Variants in DOK5 observed in about 807,000 individuals in gnomAD.
DOK5 encodes docking protein 5.
A neutral mutation model predicts 43.3 loss-of-function variants in DOK5; 27 were observed. That is an observed-to-expected ratio of 0.62 (90% CI 0.46 to 0.86). The LOEUF is 0.86. DOK5 is among the 40% of genes least tolerant of loss of function. The probability of loss-of-function intolerance (pLI) is 0.00; values close to 1 mark genes in which losing one functional copy is unlikely to be tolerated. For missense variants in DOK5, 373 were observed against 392.9 expected, an observed-to-expected ratio of 0.95 and a Z score of 0.43; for synonymous variants, 146 against 140.1, an observed-to-expected ratio of 1.04 and a Z score of -0.30.
chr20:54,574,568 G>A (rs1985395492), intron 2 of DOK5, among the ~76,000 whole-genome samples: 1 of 152,088 alleles, frequency 6.6e-6, no homozygotes, highest in South Asian at 2.1e-4. Flanking sequence ...TTGCTCATAT[G>A]ACTAAATTCA....
chr20:54,553,381 C>G (rs1600698119), intron 1 of DOK5, among the ~76,000 whole-genome samples: 1 of 151,828 alleles, frequency 6.6e-6, no homozygotes, highest in Non-Finnish European at 1.5e-5. Context: ...ATGTTTAGTA[C>G]AGACGGGGTT....
intron 2 of DOK5, among the ~76,000 whole-genome samples, chr20:54,587,962 A>G (rs939219261): frequency 2.0e-5 from 3 of 152,194 alleles, no homozygotes; most frequent in African/African-American, 7.2e-5. Flanking sequence ...TTGACGCTGT[A>G]TCTCTGACTG....
At chr20:54,641,523 C>T (rs1046578847) in intron 6 of DOK5, among the ~76,000 whole-genome samples, 5 of 146,740 alleles carry the variant, frequency 3.4e-5, no homozygotes, top group East Asian at 4.0e-4. Context: ...CTAACATGGG[C>T]ATTGCAATTT....
chr20:54,642,564 A>AG (rs1380045755), intron 6 of DOK5, among the ~76,000 whole-genome samples: 1,510 of 149,796 alleles, frequency 0.01, 26 homozygotes, highest in African/African-American at 0.034. Context: ...AAAAAAAAAA[A>AG]AAAAGAAAAA....
At chr20:54,510,381 G>T (rs569537879) in intron 1 of DOK5, among the ~76,000 whole-genome samples, 1 of 151,994 alleles carries the variant, frequency 6.6e-6, no homozygotes, top group Non-Finnish European at 1.5e-5. Context: ...CTTTGTACTT[G>T]TACAGTTTTT....
chr20:54,588,130 G>A (rs1985866640), intron 2 of DOK5, among the ~76,000 whole-genome samples: 1 of 152,102 alleles, frequency 6.6e-6, no homozygotes, highest in Admixed American at 6.6e-5. Context: ...TGTCCACAGA[G>A]ACCGAAACAG....
At chr20:54,483,491 A>G (rs1016940141) in intron 1 of DOK5, among the ~76,000 whole-genome samples, 4 of 152,250 alleles carry the variant, frequency 2.6e-5, no homozygotes, top group Non-Finnish European at 5.9e-5. Context: ...CAAGAGATTA[A>G]TGTATTCACT....
chr20:54,598,459 C>T (rs1186159685), intron 5 of DOK5, among the ~76,000 whole-genome samples: 2 of 152,158 alleles, frequency 1.3e-5, no homozygotes, highest in Non-Finnish European at 2.9e-5. Flanking sequence ...TCCCTTGGAA[C>T]CATTCTTGCA....
chr20:54,486,564 C>T (rs1400089272), intron 1 of DOK5, among the ~76,000 whole-genome samples: 3 of 150,814 alleles, frequency 2.0e-5, no homozygotes, highest in Non-Finnish European at 1.5e-5. Context: ...TTTACACACA[C>T]ACACATGCAC....
At chr20:54,524,567 A>G (rs1320120570) in intron 1 of DOK5, among the ~76,000 whole-genome samples, 1 of 152,162 alleles carries the variant, frequency 6.6e-6, no homozygotes, top group Non-Finnish European at 1.5e-5. Context: ...TGGGGTAGCT[A>G]TGAAGATGTT....
intron 1 of DOK5, among the ~76,000 whole-genome samples, chr20:54,490,552 G>A (rs1055359636): frequency 1.3e-5 from 2 of 151,860 alleles, no homozygotes; most frequent in Non-Finnish European, 2.9e-5. Context: ...GTTGTTCCTG[G>A]GTATCTGGTA....
chr20:54,624,654 G>T (rs1256307339), intron 6 of DOK5, among the ~76,000 whole-genome samples: 3 of 139,444 alleles, frequency 2.2e-5, no homozygotes, highest in African/African-American at 8.6e-5. Context: ...TGTATAGGTG[G>T]GGGAGAGAAT....
Position 54,477,175 on chromosome 20 carries a change from G to A in DOK5, c.66+1163G>A, listed in dbSNP as rs374455302. 5.3e-5 allele frequency among the ~76,000 whole-genome samples: 8 copies of A among 152,258 alleles called. No homozygotes were observed. The East Asian group carries it at 1.4e-3, about 26-fold the overall frequency. Reference sequence around the variant, plus strand: ...TGAATAGCTTTCTTTAGAAATATGTGTCATTTGGCATCTTTCTCTTACTTG... The same window carrying A: ...TGAATAGCTTTCTTTAGAAATATGTATCATTTGGCATCTTTCTCTTACTTG... On this transcript the variant is annotated intron_variant, in intron 1 of 7. Coordinates refer to ENST00000262593, the MANE Select transcript of DOK5 (RefSeq NM_018431.5).
chr20:54,568,613 A>G (rs1267827268), intron 2 of DOK5, among the ~76,000 whole-genome samples: 1 of 152,228 alleles, frequency 6.6e-6, no homozygotes, highest in East Asian at 1.9e-4. Context: ...AGTTATTAAA[A>G]AAAGCATGTT....
intron 2 of DOK5, among the ~76,000 whole-genome samples, chr20:54,585,349 G>A (rs189181843): frequency 1.0e-3 from 153 of 152,224 alleles, no homozygotes; most frequent in Middle Eastern, 3.4e-3. Context: ...TTCCTAAATG[G>A]GTAATTGTGT....
intron 1 of DOK5, among the ~76,000 whole-genome samples, chr20:54,527,609 A>G (rs1025321087): frequency 2.2e-4 from 33 of 152,356 alleles, no homozygotes; most frequent in African/African-American, 7.7e-4. Context: ...TTCCTTAAGA[A>G]TAAAGTAAAA....
At chr20:54,572,285 C>A (rs760910078) in intron 2 of DOK5, among the ~76,000 whole-genome samples, 2 of 151,982 alleles carry the variant, frequency 1.3e-5, no homozygotes, top group African/African-American at 2.4e-5. Flanking sequence ...CTCAGCCTCC[C>A]GTGTAGCTGG....
intron 5 of DOK5, among the ~76,000 whole-genome samples, chr20:54,609,708 C>A (rs1042319956): frequency 1.3e-5 from 2 of 151,992 alleles, no homozygotes; most frequent in African/African-American, 4.8e-5. Context: ...CTTTGTTTAC[C>A]TTTACCATCT....
intron 2 of DOK5, among the ~76,000 whole-genome samples, chr20:54,564,149 C>A (rs894253186): frequency 6.6e-6 from 1 of 152,126 alleles, no homozygotes; most frequent in African/African-American, 2.4e-5. Flanking sequence ...TATGGCTGGG[C>A]ACGGTGGCTC....
Sources: gnomAD v4.1 joint callset for allele counts (sites outside exome capture counted in the v4.1 genomes callset) on GRCh38, gnomAD v4.1.1 for gene constraint, MANE v1.5 for transcripts, NCBI Gene and HGNC (gene_info 2026-07-23, HGNC 2026-07-21) for gene names.